Variants in SOX6 observed in about 807,000 individuals in gnomAD.
SOX6 encodes SRY-box transcription factor 6.
In SOX6, 11 loss-of-function variants were observed where a neutral mutation model predicts 97.8. The ratio of observed to expected loss-of-function variants is 0.11; its 90% CI spans 0.07 to 0.19. The LOEUF is 0.19. Among genes scored for constraint, SOX6 ranks in the 10% least tolerant of loss-of-function variants. The pLI, the probability that SOX6 is intolerant of heterozygous loss-of-function variation, is 1.00. For synonymous variants in SOX6, 360 were observed against 371.4 expected, an observed-to-expected ratio of 0.97 and a Z score of 0.35; for missense variants, 810 against 1,039.5, an observed-to-expected ratio of 0.78 and a Z score of 3.04.
At chr11:16,497,863 G>A (rs1400618235) in intron 4 of SOX6, among the ~76,000 whole-genome samples, 1 of 152,196 alleles carries the variant, frequency 6.6e-6, no homozygotes, top group Non-Finnish European at 1.5e-5. Flanking sequence ...AAAGTGACGG[G>A]GAGAAGGGAA....
chr11:16,297,843 C>T (rs1366281623), intron 3 of SOX6, among the ~76,000 whole-genome samples: 1 of 152,208 alleles, frequency 6.6e-6, no homozygotes, highest in Admixed American at 6.6e-5. Context: ...TCAGGGATTC[C>T]CAGGCTGACA....
intron 1 of SOX6, among the ~76,000 whole-genome samples, chr11:16,443,190 C>T (rs147118930): frequency 3.0e-4 from 46 of 152,224 alleles, no homozygotes; most frequent in African/African-American, 7.2e-4. Flanking sequence ...CCAGTTCTTC[C>T]GGACAAATTA....
At chr11:16,385,726 T>C (rs1857963411) in intron 1 of SOX6, among the ~76,000 whole-genome samples, 1 of 152,176 alleles carries the variant, frequency 6.6e-6, no homozygotes, top group Non-Finnish European at 1.5e-5. Flanking sequence ...GCATAATAAA[T>C]ATGTTTTTGG....
At chr11:16,481,837 A>G (rs1393515502) in intron 4 of SOX6, among the ~76,000 whole-genome samples, 1 of 152,194 alleles carries the variant, frequency 6.6e-6, no homozygotes, top group Non-Finnish European at 1.5e-5. Flanking sequence ...ATCAATACTT[A>G]CTATATTAGA....
In SOX6 at chr11:16,341,255, G is replaced by A. The variant is rs1290885841; in HGVS notation, c.-4-3C>T. ...TGGCTTGCTTGGAAGACATTCTTCT[G>A]CAGAAAAAAAACAGAACGGATTAAA... On this transcript the variant is annotated splice_polypyrimidine_tract_variant and splice_region_variant and intron_variant, in intron 1 of 15. Coordinates refer to ENST00000683767, the MANE Select transcript of SOX6 (RefSeq NM_001367873.1). 1.9e-6 allele frequency: 3 copies of A among 1,611,234 alleles called. No homozygotes were observed. The East Asian group carries it at 6.7e-5, about 36-fold the overall frequency.
intron 4 of SOX6, among the ~76,000 whole-genome samples, chr11:16,584,604 T>A (rs1028163149): frequency 1.3e-5 from 2 of 152,198 alleles, no homozygotes; most frequent in Non-Finnish European, 2.9e-5. Context: ...CCTATTGTCA[T>A]GAGGCAAACC....
At chr11:16,370,287 C>A (rs995625332) in intron 1 of SOX6, among the ~76,000 whole-genome samples, 1 of 152,060 alleles carries the variant, frequency 6.6e-6, no homozygotes, top group Admixed American at 6.6e-5. Flanking sequence ...TTTTCCAATG[C>A]CTATGTAACA....
intron 3 of SOX6, among the ~76,000 whole-genome samples, chr11:16,239,733 T>C (rs921494354): frequency 6.6e-6 from 1 of 152,050 alleles, no homozygotes; most frequent in African/African-American, 2.4e-5. Context: ...GGAGCTGGAC[T>C]TCTCAAGCAC....
chr11:16,598,025 T>C (rs1195435246), intron 4 of SOX6, among the ~76,000 whole-genome samples: 1 of 152,138 alleles, frequency 6.6e-6, no homozygotes, highest in East Asian at 1.9e-4. Flanking sequence ...ATAGCAATTA[T>C]GTAGTAAAGC....
chr11:16,487,336 T>C (rs1398383774), intron 4 of SOX6, among the ~76,000 whole-genome samples: 1 of 152,190 alleles, frequency 6.6e-6, no homozygotes, highest in Admixed American at 6.5e-5. Flanking sequence ...TTAATATTTC[T>C]GAGAGCCCAC....
chr11:16,506,300 C>G (rs1206912020), intron 4 of SOX6, among the ~76,000 whole-genome samples: 4 of 152,134 alleles, frequency 2.6e-5, no homozygotes, highest in African/African-American at 9.7e-5. Context: ...TATTTTGGAG[C>G]TTTAAGGTTT....
At chr11:16,524,255 C>A (rs77826786) in intron 4 of SOX6, among the ~76,000 whole-genome samples, 1 of 151,722 alleles carries the variant, frequency 6.6e-6, no homozygotes, top group Non-Finnish European at 1.5e-5. Flanking sequence ...CCGAATCCAG[C>A]AGCACATCAA....
At chr11:16,027,044 G>A (rs1705403010) in intron 12 of SOX6, among the ~76,000 whole-genome samples, 1 of 152,108 alleles carries the variant, frequency 6.6e-6, no homozygotes, top group South Asian at 2.1e-4. Flanking sequence ...ACTTCCAACA[G>A]AGTTAACATG....
intron 6 of SOX6, among the ~76,000 whole-genome samples, chr11:16,183,171 C>T (rs555612202): frequency 4.5e-4 from 68 of 151,974 alleles, no homozygotes; most frequent in African/African-American, 1.6e-3. Context: ...ATTTTCCTTG[C>T]CTATCTCAAA....
intron 1 of SOX6, among the ~76,000 whole-genome samples, chr11:16,426,595 GCTAGC>G: frequency 1.3e-5 from 2 of 152,190 alleles, no homozygotes; most frequent in Middle Eastern, 6.8e-3. Flanking sequence ...GGCATAACTG[GCTAGC>G]CATACGCAGA....
intron 9 of SOX6, among the ~76,000 whole-genome samples, chr11:16,076,899 G>T (rs976381654): frequency 1.3e-5 from 2 of 151,312 alleles, no homozygotes; most frequent in African/African-American, 4.9e-5. Context: ...GACTACAGGC[G>T]CCCGCCACCG....
At position 16,534,534 on chromosome 11, in the gene SOX6, T is replaced by G. The variant is rs1297931407; in HGVS notation, n.610-58146A>C. Among the ~76,000 whole-genome samples the G allele has an allele frequency of 2.0e-5, 3 of 152,184 alleles. No individual in the cohort carries two copies. The East Asian group carries it at 5.8e-4, about 29-fold the overall frequency. ...ATATCAGAAGTTCCCAACACACAAA[T>G]GGATTTAGTTTCAAAAGTTTGGAAT... On this transcript the variant is annotated intron_variant and non_coding_transcript_variant, in intron 4 of 5. Transcript: ENST00000524520.
At chr11:16,105,790 A>C (rs1450993173) in intron 7 of SOX6, among the ~76,000 whole-genome samples, 2 of 152,106 alleles carry the variant, frequency 1.3e-5, no homozygotes, top group African/African-American at 4.8e-5. Flanking sequence ...AAATGACATA[A>C]TCCTATATAT....
intron 2 of SOX6, among the ~76,000 whole-genome samples, chr11:16,715,636 A>G (rs1670788107): frequency 6.6e-6 from 1 of 152,110 alleles, no homozygotes; most frequent in Admixed American, 6.5e-5. Context: ...GTAGGAATAG[A>G]TAATAAACAT....
Sources: gnomAD v4.1 joint callset for allele counts (sites outside exome capture counted in the v4.1 genomes callset) on GRCh38, gnomAD v4.1.1 for gene constraint, MANE v1.5 for transcripts, NCBI Gene and HGNC (gene_info 2026-07-23, HGNC 2026-07-21) for gene names.